Variants in TENM4 observed in about 807,000 individuals in gnomAD.
TENM4 encodes the protein teneurin transmembrane protein 4.
In TENM4, 82 loss-of-function variants were observed where a neutral mutation model predicts 243.3. The ratio of observed to expected loss-of-function variants is 0.34; its 90% CI spans 0.28 to 0.40. The LOEUF (loss-of-function observed/expected upper bound fraction) is 0.40, where lower values mean the gene tolerates loss of function less well. Ranked by LOEUF, TENM4 falls within the 10% of genes least tolerant of loss-of-function variation. TENM4 has a pLI of 1.00. For missense variants in TENM4, 3,138 were observed against 3,673.3 expected (o/e 0.85, Z 3.77); for synonymous variants, 1,412 against 1,456.3 (o/e 0.97, Z 0.69).
At chr11:79,329,512 A>T (rs997683918) in intron 1 of TENM4, among the ~76,000 whole-genome samples, 1 of 152,252 alleles carries the variant, frequency 6.6e-6, no homozygotes, top group African/African-American at 2.4e-5. Flanking sequence ...GGCTTTGAGC[A>T]GGAGCAGAGG....
chr11:78,691,072 C>T (rs1286562661), intron 28 of TENM4, among the ~76,000 whole-genome samples: 2 of 152,218 alleles, frequency 1.3e-5, no homozygotes, highest in Non-Finnish European at 2.9e-5. Flanking sequence ...AATGCCACCT[C>T]CTAAAGCCCT....
chr11:78,814,442 C>T (rs758365479), intron 12 of TENM4, 47 bp from the exon 13 acceptor site: 17 of 1,498,868 alleles, frequency 1.1e-5, no homozygotes. Context: ...TTTCCTTACC[C>T]AAACAGAGAG....
chr11:79,163,597 C>T (rs553739996), intron 3 of TENM4, among the ~76,000 whole-genome samples: 50 of 151,934 alleles, frequency 3.3e-4, no homozygotes, highest in South Asian at 6.2e-4. Context: ...TATGCCTTTG[C>T]GCCCTCATAG....
intron 17 of TENM4, 121 bp downstream of exon 17, chr11:78,778,481 A>G: frequency 9.0e-7 from 1 of 1,116,790 alleles, no homozygotes; most frequent in Non-Finnish European, 1.3e-6. Context: ...GGGATGCATT[A>G]GCTTCCAGAC....
chr11:79,342,950 A>G (rs1296554066), intron 1 of TENM4, among the ~76,000 whole-genome samples: 3 of 152,204 alleles, frequency 2.0e-5, no homozygotes, highest in Non-Finnish European at 4.4e-5. Flanking sequence ...GGGTGTTTGC[A>G]CAGTTGTTTG....
At chr11:78,792,495 C>A (rs939760144) in intron 15 of TENM4, among the ~76,000 whole-genome samples, 4 of 152,140 alleles carry the variant, frequency 2.6e-5, no homozygotes, top group Non-Finnish European at 5.9e-5. Context: ...TCTTCCCCTA[C>A]AGAAAGTCAA....
chr11:79,340,467 A>G (rs1857223636), intron 1 of TENM4, among the ~76,000 whole-genome samples: 1 of 152,118 alleles, frequency 6.6e-6, no homozygotes, highest in South Asian at 2.1e-4. Flanking sequence ...GATACTCTTG[A>G]GGCTGGCTGG....
At chr11:79,208,807 T>G (rs773737031) in intron 3 of TENM4, among the ~76,000 whole-genome samples, 2 of 152,236 alleles carry the variant, frequency 1.3e-5, no homozygotes, top group South Asian at 2.1e-4. Flanking sequence ...TACTTGGCTT[T>G]TCCACTATGG....
At chr11:79,044,936 T>C (rs1859622906) in intron 6 of TENM4, among the ~76,000 whole-genome samples, 1 of 152,162 alleles carries the variant, frequency 6.6e-6, no homozygotes, top group Admixed American at 6.5e-5. Context: ...ATGTTTATTA[T>C]AGAAAAGTAT....
intron 6 of TENM4, among the ~76,000 whole-genome samples, chr11:79,002,918 A>G (rs984935579): frequency 2.0e-5 from 3 of 152,198 alleles, no homozygotes; most frequent in African/African-American, 7.2e-5. Flanking sequence ...AATACAGGAG[A>G]TGAAAGATAA....
intron 4 of TENM4, among the ~76,000 whole-genome samples, chr11:79,082,392 G>A (rs1386508952): frequency 6.6e-6 from 1 of 152,118 alleles, no homozygotes; most frequent in Non-Finnish European, 1.5e-5. Flanking sequence ...AGAGGCGGGA[G>A]CTAAGGCTTG....
chr11:78,994,186 G>C (rs992151547), intron 6 of TENM4, among the ~76,000 whole-genome samples: 1 of 152,190 alleles, frequency 6.6e-6, no homozygotes, highest in Admixed American at 6.5e-5. Flanking sequence ...CTGGGTAGTT[G>C]GAACGGAAAC....
chr11:78,770,894 G>A, intron 18 of TENM4, 98 bp downstream of exon 18: 1 of 1,471,742 alleles, frequency 6.8e-7, no homozygotes, highest in Non-Finnish European at 9.1e-7. Flanking sequence ...CTGGATGACT[G>A]GTGTGTTGGT....
chr11:79,148,679 ACT>A (rs747888625), intron 4 of TENM4, 29 bp downstream of exon 4: 20 of 740,886 alleles, frequency 2.7e-5, no homozygotes, highest in Non-Finnish European at 3.3e-5. Flanking sequence ...AATCATGAAT[ACT>A]CTCTGAAGTG....
intron 6 of TENM4, among the ~76,000 whole-genome samples, chr11:78,960,963 C>G (rs1269109720): frequency 1.3e-5 from 2 of 152,178 alleles, no homozygotes; most frequent in African/African-American, 4.8e-5. Flanking sequence ...GGGTGCTCAT[C>G]ATGAGGTGGG....
intron 6 of TENM4, among the ~76,000 whole-genome samples, chr11:78,927,104 C>G (rs1417713295): frequency 2.0e-5 from 3 of 152,158 alleles, no homozygotes; most frequent in Non-Finnish European, 2.9e-5. Flanking sequence ...GTTGGAATTC[C>G]TTCACATGGA....
chr11:79,029,413 T>G (rs1859168618), intron 6 of TENM4, among the ~76,000 whole-genome samples: 1 of 152,224 alleles, frequency 6.6e-6, no homozygotes, highest in South Asian at 2.1e-4. Flanking sequence ...TTCCCAGGAC[T>G]GCCACCTCCC....
At chr11:78,868,256 G>A (rs1469790656) in intron 9 of TENM4, among the ~76,000 whole-genome samples, 2 of 152,148 alleles carry the variant, frequency 1.3e-5, no homozygotes, top group Admixed American at 6.5e-5. Context: ...TCTGCAGTGT[G>A]TATTTATAAC....
intron 16 of TENM4, among the ~76,000 whole-genome samples, chr11:78,782,546 G>A (rs1856859127): frequency 6.6e-6 from 1 of 152,158 alleles, no homozygotes. Context: ...GCGGTCAGCC[G>A]AGGTCGTGCC....
Sources: gnomAD v4.1 joint callset for allele counts (sites outside exome capture counted in the v4.1 genomes callset) on GRCh38, gnomAD v4.1.1 for gene constraint, MANE v1.5 for transcripts, NCBI Gene and HGNC (gene_info 2026-07-23, HGNC 2026-07-21) for gene names.